The following THAP9 variants were observed in gnomAD, a reference collection of about 807,000 sequenced individuals.
The protein encoded by THAP9 is DNA transposase THAP9.
A neutral mutation model predicts 35.7 loss-of-function variants in THAP9; 20 were observed. The observed-to-expected ratio is 0.56, with a 90% CI of 0.39 to 0.81. THAP9 has a LOEUF of 0.81. Ranked by LOEUF, THAP9 falls within the 40% of genes least tolerant of loss-of-function variation. THAP9 has a pLI of 0.00. For synonymous variants in THAP9, 335 were observed against 373.7 expected (o/e 0.90, Z 1.19); for missense variants, 870 against 1,047.4 (o/e 0.83, Z 2.34).
chr4:82,909,422 CTGTG>C (rs111834183), intron 4 of THAP9, among the ~76,000 whole-genome samples: 1 of 150,502 alleles, frequency 6.6e-6, no homozygotes, highest in Admixed American at 6.6e-5. Context: ...TATTTCCTTC[CTGTG>C]TGTGTGTGTG....
rs765236908 is a variant in THAP9, at chr4:82,906,533, C to G, written c.486C>G (p.Ile162Met). 2 of 1,613,696 alleles carry G rather than the reference C, an allele frequency of 1.2e-6. No homozygotes were observed. The highest frequency in any genetic ancestry group is 2.2e-5 in the South Asian group (2 of 91,038). ...RLISVKNYRM[I>M]KKRKGLRLID... ...TCTCCGTAAAGAACTACAGGATGATCAAGAAGAGAAAGGGTTTACGATTAA... is the reference window on the plus strand; with the variant it reads ...TCTCCGTAAAGAACTACAGGATGATGAAGAAGAGAAAGGGTTTACGATTAA... Residue 162 changes from isoleucine (I) to methionine (M), a missense_variant, in exon 3 of 5, where the codon ATC (isoleucine) becomes ATG (methionine). Ile to Met is a conservative substitution (Grantham distance 10). Transcript: ENST00000302236.
At chr4:82,901,393 C>T (rs1720361950) in intron 1 of THAP9, among the ~76,000 whole-genome samples, 1 of 152,132 alleles carries the variant, frequency 6.6e-6, no homozygotes, top group African/African-American at 2.4e-5. Context: ...AATTTCAGAT[C>T]AGTCTTATCT....
chr4:82,901,096 G>C (rs1398236201), intron 1 of THAP9: 1 of 709,100 alleles, frequency 1.4e-6, no homozygotes, highest in Non-Finnish European at 2.5e-6. Flanking sequence ...TGAATAGCCG[G>C]TTCTCGCACC....
Position 82,906,488 on chromosome 4 carries a change from A to G in THAP9, c.441A>G (p.Gln147=). 1 of 1,613,842 alleles carries G rather than the reference A, an allele frequency of 6.2e-7. No individual in the cohort carries two copies. Among genetic ancestry groups the G allele is most frequent in the Non-Finnish European group, 8.5e-7 (1 of 1,179,802 alleles). Reference sequence around the variant, plus strand: ...TGGCTGAGGTGCAACAAATGTTACAAGTGTCCAAAAAAAGACTTATCTCCG... The same window carrying G: ...TGGCTGAGGTGCAACAAATGTTACAGGTGTCCAAAAAAAGACTTATCTCCG... ...EKLAEVQQML[Q]VSKKRLISVK... is the part of the protein sequence containing the mutation. Residue 147 remains glutamine, a synonymous_variant, in exon 3 of 5, where the codon CAA becomes CAG. Coordinates refer to ENST00000302236, the MANE Select transcript of THAP9 (RefSeq NM_024672.6).
Position 82,900,889 on chromosome 4 carries a change from A to G in THAP9, c.80+7A>G. 3.7e-6 allele frequency: 6 copies of G among 1,613,130 alleles called. No individual in the cohort carries two copies. In the East Asian group the frequency reaches 1.3e-4, roughly 36 times the overall value. On this transcript the variant is annotated splice_region_variant and intron_variant, in intron 1 of 4. Transcript: ENST00000302236. ...GCGGCCTCTCCTTCCACCAGTGCGTATGGGAGCAGCCTCGAAGCCTTCGAA... is the reference window on the plus strand; with the variant it reads ...GCGGCCTCTCCTTCCACCAGTGCGTGTGGGAGCAGCCTCGAAGCCTTCGAA...
intron 4 of THAP9, 51 bp from the exon 5 acceptor site, chr4:82,916,892 AT>A: frequency 6.9e-7 from 1 of 1,449,564 alleles, no homozygotes; most frequent in Non-Finnish European, 9.1e-7. Flanking sequence ...GCATTTTCCC[AT>A]TTGTCTTTTT....
At chr4:82,906,128 G>T (rs1720636476) in intron 2 of THAP9, among the ~76,000 whole-genome samples, 196 bp from the exon 3 acceptor site, 2 of 137,100 alleles carry the variant, frequency 1.5e-5, no homozygotes, top group African/African-American at 3.0e-5. Context: ...TAATATTTCT[G>T]TGTAGTGCAA....
chr4:82,918,644 T>C lies in THAP9; in HGVS notation c.2432T>C (p.Ile811Thr), dbSNP rs1721133485. 5 of 1,614,122 alleles carry C rather than the reference T, an allele frequency of 3.1e-6. No individual in the cohort carries two copies. Among genetic ancestry groups the C allele is most frequent in the African/African-American group, 1.3e-5 (1 of 75,064 alleles). The change falls in exon 5 of 5, where the codon ATT (isoleucine) becomes ACT (threonine). Residue 811 changes from isoleucine to threonine, a missense_variant. By Grantham distance (89) the Ile-to-Thr change is moderately conservative (BLOSUM62 -1). Around this residue, in one of 3 missense-constraint regions of THAP9, gnomAD observed 414 missense variants for 500.8 expected, o/e 0.83. Coordinates refer to ENST00000302236, the MANE Select transcript of THAP9 (RefSeq NM_024672.6). ...ATATTATGTGAGCTTTCTGGGCATA[T>C]TAATCTTTTTGTAGATGTGAATAAG... The part of the protein sequence containing the change: ...QKILCELSGH[I>T]NLFVDVNKHL...
intron 4 of THAP9, among the ~76,000 whole-genome samples, chr4:82,915,020 A>G (rs1443399301): frequency 6.6e-6 from 1 of 152,198 alleles, no homozygotes; most frequent in Admixed American, 6.5e-5. Context: ...AGTCTTCTGC[A>G]TATGGCTAGC....
intron 4 of THAP9, among the ~76,000 whole-genome samples, chr4:82,915,232 G>A (rs971862545): frequency 8.0e-6 from 1 of 124,684 alleles, no homozygotes; most frequent in Non-Finnish European, 1.8e-5. Flanking sequence ...CATCCTGTAA[G>A]TATGTTATTG....
chr4:82,909,422 C>CTGTGTG (rs111834183), intron 4 of THAP9, among the ~76,000 whole-genome samples: 2,769 of 150,592 alleles, frequency 0.018, 53 homozygotes, highest in African/African-American at 0.041. Flanking sequence ...TATTTCCTTC[C>CTGTGTG]TGTGTGTGTG....
rs754935244 is a variant in THAP9 at position 82,918,437 on chromosome 4, C to T, written c.2225C>T (p.Ser742Leu). 9.3e-6 allele frequency: 15 copies of T among 1,613,984 alleles called. No individual in the cohort carries two copies. The highest frequency in any genetic ancestry group is 1.6e-4 in the Middle Eastern group (1 of 6,082). The stretch of plus-strand genomic sequence containing the variant: ...GACTGCATCACTGCACTGTATGCAT[C>T]GGATCTCAAAGCCTCTAAAATTGGG... ...CEDCITALYASDLKASKIGSL... is the reference protein window; with the variant it reads ...CEDCITALYALDLKASKIGSL... The change falls in exon 5 of 5, where the codon TCG (serine) becomes TTG (leucine). Residue 742 changes from serine (S) to leucine (L), a missense_variant. Coordinates refer to ENST00000302236, the MANE Select transcript of THAP9 (RefSeq NM_024672.6).
chr4:82,904,635 C>A, intron 1 of THAP9, 101 bp from the exon 2 acceptor site: 1 of 1,046,882 alleles, frequency 9.6e-7, no homozygotes, highest in South Asian at 1.9e-5. Flanking sequence ...CTTTATGTTT[C>A]TATAAAGCAG....
chr4:82,914,220 CAGTGTGTCATTGATGG>C (rs1720965807), intron 4 of THAP9, among the ~76,000 whole-genome samples: 1 of 152,088 alleles, frequency 6.6e-6, no homozygotes, highest in Admixed American at 6.5e-5. Flanking sequence ...TTTCTTTATT[CAGTGTGTCATTGATGG>C]AGATTTAGGG....
At position 82,917,492 on chromosome 4, in the gene THAP9, A is replaced by C; in HGVS notation, c.1280A>C (p.Gln427Pro). The C allele has an allele frequency of 6.2e-7, 1 of 1,613,426 alleles. No homozygotes were observed. The highest frequency in any genetic ancestry group is 8.5e-7 in the Non-Finnish European group (1 of 1,179,320). Reference protein sequence around the residue: ...HLLRLIRNAFQNFQSIQFING... With the variant: ...HLLRLIRNAFPNFQSIQFING... Reference sequence around the variant, plus strand: ...CTAAGATTAATAAGAAATGCATTTCAGAATTTTCAAAGCATTCAGTTTATT... The same window carrying C: ...CTAAGATTAATAAGAAATGCATTTCCGAATTTTCAAAGCATTCAGTTTATT... Residue 427 changes from glutamine to proline, a missense_variant, in exon 5 of 5, where the codon CAG (glutamine) becomes CCG (proline). Physicochemically the swap from Gln to Pro is moderately conservative, Grantham distance 76. Transcript: ENST00000302236.
rs1388843591 is a variant in THAP9, at chr4:82,900,737, A to G, written c.-66A>G. ...TCGTAGCCGCAGAGTCAACGGGCGG[A>G]GCTAAAGTGGTCGTGATTCATGCTG... On this transcript the variant is annotated 5_prime_UTR_variant, in exon 1 of 5. Transcript: ENST00000302236. 1 of 1,551,914 alleles carries G rather than the reference A, an allele frequency of 6.4e-7. No homozygotes were observed. The highest frequency in any genetic ancestry group is 1.4e-5 in the African/African-American group (1 of 73,558).
chr4:82,916,944 G>T lies in THAP9; in HGVS notation c.732G>T (p.Thr244=). ...TTCTTTCACTTTTTATGTATTCTAGGTGGTTATCCAAATGCCAACCCAGTC... is the reference window on the plus strand; with the variant it reads ...TTCTTTCACTTTTTATGTATTCTAGTTGGTTATCCAAATGCCAACCCAGTC... ...LKLPHSSILR[T]WLSKCQPSPG... Residue 244 remains threonine, a splice_region_variant and synonymous_variant, in exon 5 of 5, where the codon ACG becomes ACT. Transcript: ENST00000302236. 1 of 1,516,130 alleles carries T rather than the reference G, an allele frequency of 6.6e-7. No individual in the cohort carries two copies. The highest frequency in any genetic ancestry group is 1.4e-5 in the South Asian group (1 of 72,196). 93.9% of individuals were successfully genotyped at this position (1,516,130 alleles called of 1,614,324 possible).
intron 1 of THAP9, among the ~76,000 whole-genome samples, chr4:82,904,309 G>A (rs1720553296): frequency 1.3e-5 from 2 of 151,844 alleles, no homozygotes; most frequent in Non-Finnish European, 2.9e-5. Context: ...TGATCCTCCC[G>A]CCTCAGCCTC....
In THAP9 at chr4:82,917,780, G is replaced by A. The variant is rs1348038525; in HGVS notation, c.1568G>A (p.Ser523Asn). ...AACAATCTGTTTGACATCTTTAATA[G>A]TAGGAACTGTTATGGAAAGGGACTT... is the stretch of plus-strand genomic sequence containing the variant. ...LINNLFDIFN[S>N]RNCYGKGLKG... The change falls in exon 5 of 5, where the codon AGT becomes AAT. Residue 523 changes from serine to asparagine, a missense_variant. By Grantham distance (46) the Ser-to-Asn change is conservative. This residue lies in a region of THAP9 where 414 missense variants were observed against 500.8 expected (regional missense o/e 0.83). Coordinates refer to ENST00000302236, the MANE Select transcript of THAP9 (RefSeq NM_024672.6). The A allele has an allele frequency of 6.2e-7, 1 of 1,613,916 alleles. No individual in the cohort carries two copies. Among genetic ancestry groups the A allele is most frequent in the Admixed American group, 1.7e-5 (1 of 59,992 alleles).
Sources: gnomAD v4.1 joint callset for allele counts (sites outside exome capture counted in the v4.1 genomes callset) on GRCh38, gnomAD v4.1.1 for gene constraint, gnomAD v4.1.1 regional missense constraint, MANE v1.5 for transcripts, NCBI Gene and HGNC (gene_info 2026-07-23, HGNC 2026-07-21) for gene names.